The following GRM1 variants were observed in gnomAD, a reference collection of about 807,000 sequenced individuals.
GRM1 encodes the protein glutamate metabotropic receptor 1.
In GRM1, 33 loss-of-function variants were observed where a neutral mutation model predicts 90.9. That is an observed-to-expected ratio of 0.36 (90% CI 0.28 to 0.49). GRM1 has a LOEUF of 0.49. Among genes scored for constraint, GRM1 ranks in the 20% least tolerant of loss-of-function variants. The probability of loss-of-function intolerance (pLI) is 0.99; values close to 1 mark genes in which losing one functional copy is unlikely to be tolerated. For synonymous variants in GRM1, 700 were observed against 613.2 expected (o/e 1.14, Z -2.09); for missense variants, 1,190 against 1,534.3 (o/e 0.78, Z 3.75).
At chr6:146,069,625 C>T (rs1270223981) in intron 1 of GRM1, among the ~76,000 whole-genome samples, 1 of 152,174 alleles carries the variant, frequency 6.6e-6, no homozygotes, top group Non-Finnish European at 1.5e-5. Context: ...GTACTCTTGG[C>T]TGTGTTTAAA....
chr6:146,176,456 A>C (rs2114528280), intron 2 of GRM1, among the ~76,000 whole-genome samples: 1 of 152,180 alleles, frequency 6.6e-6, no homozygotes, highest in Middle Eastern at 3.4e-3. Flanking sequence ...TTCTCTGGTC[A>C]ATTGAGGTAA....
chr6:146,357,516 C>G lies in GRM1; in HGVS notation c.1434-10C>G, dbSNP rs760497336. 1.7e-5 allele frequency: 28 copies of G among 1,605,614 alleles called. No homozygotes were observed. The highest frequency in any genetic ancestry group is 2.2e-5 in the Non-Finnish European group (26 of 1,172,436). ...TATTCTATAAGACATGCACATTGTG[C>G]TCTTTGTAGGTATGATATCATGAAT... On this transcript the variant is annotated splice_polypyrimidine_tract_variant and intron_variant, in intron 4 of 7. Coordinates refer to ENST00000282753, the MANE Select transcript of GRM1 (RefSeq NM_001278064.2).
At chr6:146,338,542 A>G (rs1194556527) in intron 3 of GRM1, among the ~76,000 whole-genome samples, 1 of 152,216 alleles carries the variant, frequency 6.6e-6, no homozygotes, top group African/African-American at 2.4e-5. Context: ...TATGTTTAAA[A>G]TAGTCACTGT....
At chr6:146,045,749 C>CAAAAAAAA (rs58055832) in intron 1 of GRM1, among the ~76,000 whole-genome samples, 11 of 87,404 alleles carry the variant, frequency 1.3e-4, no homozygotes, top group Admixed American at 1.5e-4. Context: ...TGGAATACAG[C>CAAAAAAAA]AAAAAAAAAA....
intron 3 of GRM1, among the ~76,000 whole-genome samples, chr6:146,325,147 G>C (rs1230115408): frequency 6.6e-6 from 1 of 152,146 alleles, no homozygotes; most frequent in Admixed American, 6.5e-5. Context: ...AGGCATTACT[G>C]TCCTGAGTTT....
intron 3 of GRM1, among the ~76,000 whole-genome samples, chr6:146,308,986 A>G (rs1783683834): frequency 6.6e-6 from 1 of 152,126 alleles, no homozygotes; most frequent in South Asian, 2.1e-4. Context: ...ACAATTTTCA[A>G]AAATGTTGCA....
intron 1 of GRM1, among the ~76,000 whole-genome samples, chr6:146,041,766 C>T (rs1791117605): frequency 6.6e-6 from 1 of 152,016 alleles, no homozygotes; most frequent in East Asian, 1.9e-4. Flanking sequence ...AATCTTGACA[C>T]TAGATAGTTG....
At chr6:146,225,681 T>G (rs1780215720) in intron 2 of GRM1, among the ~76,000 whole-genome samples, 1 of 152,142 alleles carries the variant, frequency 6.6e-6, no homozygotes, top group African/African-American at 2.4e-5. Context: ...AATTTAATAA[T>G]GAAAATAAAT....
At position 146,375,413 on chromosome 6, in the gene GRM1, T is replaced by C. The variant is rs527249674; in HGVS notation, c.1603-11477T>C. Among the ~76,000 whole-genome samples the C allele has an allele frequency of 4.6e-5, 7 of 152,146 alleles. No homozygotes were observed. The South Asian group carries it at 1.5e-3, about 32-fold the overall frequency. ...TCTGTAATTATCTATTAGATCCATT[T>C]GTTTTATAGTGCAGATTAAGTCTGA... On this transcript the variant is annotated intron_variant, in intron 5 of 7. Transcript: ENST00000282753.
chr6:146,351,538 G>A (rs2268661), intron 3 of GRM1, among the ~76,000 whole-genome samples: 30,186 of 152,048 alleles, frequency 0.2, 3,308 homozygotes, highest in South Asian at 0.27. Flanking sequence ...GGCAGTAGGG[G>A]AGTTTTTGAT....
At chr6:146,158,001 T>C (rs1777579767) in intron 1 of GRM1, among the ~76,000 whole-genome samples, 1 of 152,186 alleles carries the variant, frequency 6.6e-6, no homozygotes, top group African/African-American at 2.4e-5. Context: ...ATTAATGAAA[T>C]AATTTATTCC....
intron 2 of GRM1, among the ~76,000 whole-genome samples, chr6:146,184,921 A>G (rs1404641080): frequency 6.6e-6 from 1 of 152,224 alleles, no homozygotes; most frequent in Non-Finnish European, 1.5e-5. Flanking sequence ...GATAAACTTT[A>G]TTTTATGGAA....
At chr6:146,083,399 T>C (rs1178626335) in intron 1 of GRM1, among the ~76,000 whole-genome samples, 2 of 152,226 alleles carry the variant, frequency 1.3e-5, no homozygotes, top group Non-Finnish European at 2.9e-5. Flanking sequence ...TATTTTGTGA[T>C]ATGTTCCATC....
chr6:146,272,957 A>T (rs970820541), intron 2 of GRM1, among the ~76,000 whole-genome samples: 9 of 152,174 alleles, frequency 5.9e-5, no homozygotes, highest in African/African-American at 2.2e-4. Flanking sequence ...TAACCAAATG[A>T]GATCATTGGG....
At chr6:146,110,899 G>A (rs1775533343) in intron 1 of GRM1, among the ~76,000 whole-genome samples, 1 of 152,164 alleles carries the variant, frequency 6.6e-6, no homozygotes, top group South Asian at 2.1e-4. Flanking sequence ...ACATTGAATT[G>A]TGTTCCTAAA....
At chr6:146,366,331 C>A (rs1165499448) in intron 5 of GRM1, among the ~76,000 whole-genome samples, 5 of 152,104 alleles carry the variant, frequency 3.3e-5, no homozygotes, top group Admixed American at 3.3e-4. Context: ...TTTATCATTT[C>A]TTTGTGTTTG....
At chr6:146,332,235 C>G (rs781265558) in intron 3 of GRM1, among the ~76,000 whole-genome samples, 8 of 151,994 alleles carry the variant, frequency 5.3e-5, no homozygotes, top group Non-Finnish European at 1.0e-4. Flanking sequence ...AAAATAACAC[C>G]CATTTGTTAT....
intron 2 of GRM1, among the ~76,000 whole-genome samples, chr6:146,234,563 A>C (rs918552328): frequency 6.6e-6 from 1 of 152,028 alleles, no homozygotes; most frequent in South Asian, 2.1e-4. Flanking sequence ...ATACTACTTC[A>C]TATTCAGTGT....
intron 2 of GRM1, among the ~76,000 whole-genome samples, chr6:146,160,444 A>G (rs923396231): frequency 3.3e-5 from 5 of 152,190 alleles, no homozygotes; most frequent in Non-Finnish European, 5.9e-5. Flanking sequence ...AGCTTCTAAT[A>G]TTGCATAAAT....
Sources: allele counts gnomAD v4.1 joint callset (sites outside exome capture counted in the v4.1 genomes callset), GRCh38; gene constraint gnomAD v4.1.1; transcripts MANE v1.5; gene names NCBI Gene and HGNC (gene_info 2026-07-23, HGNC 2026-07-21).